Variants in FHOD1 observed in about 807,000 individuals in gnomAD.
FHOD1 encodes the protein FH1/FH2 domain-containing protein 1.
A neutral mutation model predicts 111.6 loss-of-function variants in FHOD1; 89 were observed. The ratio of observed to expected loss-of-function variants is 0.80; its 90% CI spans 0.67 to 0.95. The LOEUF (loss-of-function observed/expected upper bound fraction) is 0.95, where lower values mean the gene tolerates loss of function less well. FHOD1 is among the 40% of genes least tolerant of loss of function. The pLI, the probability that FHOD1 is intolerant of heterozygous loss-of-function variation, is 0.00. For synonymous variants in FHOD1, 618 were observed against 639.0 expected, an observed-to-expected ratio of 0.97 and a Z score of 0.50; for missense variants, 1,446 against 1,554.2, an observed-to-expected ratio of 0.93 and a Z score of 1.17.
intron 11 of FHOD1, chr16:67,236,067 G>A (rs1567389582): frequency 1.0e-6 from 1 of 976,124 alleles, no homozygotes; most frequent in Non-Finnish European, 1.2e-6. Flanking sequence ...GCTCTCAGGG[G>A]CCCTGGGTAG....
At chr16:67,239,247 A>G in intron 2 of FHOD1, 101 bp downstream of exon 2, 1 of 957,020 alleles carries the variant, frequency 1.0e-6, no homozygotes, top group Non-Finnish European at 1.7e-6. Flanking sequence ...GAGGTGACCC[A>G]TGGCTCAGGC....
chr16:67,247,454 C>G lies in FHOD1; in HGVS notation c.-44G>C, dbSNP rs777196015. The G allele has an allele frequency of 2.6e-5, 41 of 1,593,114 alleles. No individual in the cohort carries two copies. Among genetic ancestry groups the G allele is most frequent in the Non-Finnish European group, 3.4e-5 (40 of 1,167,836 alleles). ...CGCAGCGCGCCTCCGAGTCCCGGCC[C>G]CAGTGCAGCTTCTACTCAAAGCACA... On this transcript the variant is annotated 5_prime_UTR_variant, in exon 1 of 22. Coordinates refer to ENST00000258201, the MANE Select transcript of FHOD1 (RefSeq NM_013241.3).
intron 1 of FHOD1, among the ~76,000 whole-genome samples, chr16:67,240,126 A>G (rs2034625090): frequency 6.6e-6 from 1 of 152,184 alleles, no homozygotes; most frequent in East Asian, 1.9e-4. Context: ...TCTGATCCAT[A>G]GACTTCCCAG....
At chr16:67,236,508 G>C (rs779442280) in intron 11 of FHOD1, 49 bp downstream of exon 11, 1 of 1,592,988 alleles carries the variant, frequency 6.3e-7, no homozygotes, top group Non-Finnish European at 8.6e-7. Context: ...GCAAAGCGGA[G>C]GGACAATGGG....
Position 67,244,426 on chromosome 16 carries a change from C to T in FHOD1, c.201+2784G>A, listed in dbSNP as rs376988497. On this transcript the variant is annotated intron_variant, in intron 1 of 21. Coordinates refer to ENST00000258201, the MANE Select transcript of FHOD1 (RefSeq NM_013241.3). The stretch of plus-strand genomic sequence containing the variant: ...GGAGGAAGGCACTCCTGAGTTCCCC[C>T]AGGGACACTAGGCCCGGCCCAAGAC... Among the ~76,000 whole-genome samples the T allele has an allele frequency of 1.7e-4, 26 of 152,232 alleles. 1 individual carries two copies. Among genetic ancestry groups the T allele is most frequent in the Admixed American group, 1.3e-3 (20 of 15,298 alleles).
chr16:67,234,738 G>C (rs768139700), intron 11 of FHOD1: 1 of 446,406 alleles, frequency 2.2e-6, no homozygotes, highest in Non-Finnish European at 4.0e-6. Flanking sequence ...TTGCAACCTC[G>C]TTCATGTTCA....
rs996796609 is a variant in FHOD1, at chr16:67,231,129, C to A, written c.2667+59G>T. 6.9e-6 allele frequency: 11 copies of A among 1,590,846 alleles called. No homozygotes were observed. The highest frequency in any genetic ancestry group is 3.4e-5 in the Admixed American group (2 of 58,688). Reference sequence around the variant, plus strand: ...TGGGGAGAAGGGGGAGGAGCCAGGCCCAGGAAGCAGCGCTCCTCATGCCTT... The same window carrying A: ...TGGGGAGAAGGGGGAGGAGCCAGGCACAGGAAGCAGCGCTCCTCATGCCTT... On this transcript the variant is annotated intron_variant, in intron 17 of 21. Transcript: ENST00000258201. The surrounding 1 kb of genome is among the most constrained non-coding windows in gnomAD (Gnocchi z 4.3).
Position 67,229,954 on chromosome 16 carries a change from A to G in FHOD1, c.3251T>C (p.Val1084Ala), listed in dbSNP as rs774001965. 77 of 1,614,050 alleles carry G rather than the reference A, an allele frequency of 4.8e-5. No individual in the cohort carries two copies. The highest frequency in any genetic ancestry group is 6.1e-5 in the Non-Finnish European group (72 of 1,180,028). Residue 1084 changes from valine to alanine, a missense_variant, in exon 21 of 22, where the codon GTG (valine) becomes GCG (alanine). Coordinates refer to ENST00000258201, the MANE Select transcript of FHOD1 (RefSeq NM_013241.3). ...TTCTGGGGATGCAGTGGAGGGCCCC[A>G]CTGTGGGCATGATTGGGGAGCTGCT... ...VQSSSPIMPT[V>A]GPSTASPEEP... is the part of the protein sequence containing the mutation.
intron 1 of FHOD1, among the ~76,000 whole-genome samples, chr16:67,242,574 C>T (rs546468708): frequency 2.0e-4 from 30 of 152,362 alleles, no homozygotes; most frequent in African/African-American, 6.7e-4. Context: ...GGGGCTGGGC[C>T]AGGCCTGAAT....
chr16:67,236,493 G>A, intron 11 of FHOD1, 64 bp downstream of exon 11: 2 of 1,575,398 alleles, frequency 1.3e-6, no homozygotes, highest in Non-Finnish European at 1.7e-6. Context: ...TGCCCATGGA[G>A]GGGCGCAAAG....
In FHOD1 at chr16:67,237,700, T is replaced by C. The variant is rs2142288904; in HGVS notation, c.711A>G (p.Ala237=). 2 of 1,614,172 alleles carry C rather than the reference T, an allele frequency of 1.2e-6. No homozygotes were observed. Among genetic ancestry groups the C allele is most frequent in the Non-Finnish European group, 1.7e-6 (2 of 1,180,036 alleles). The part of the protein sequence containing the change: ...LVFVEYSENN[A]PLFIRAVNSV... ...AGTTCACTGCACGGATGAACAGCGG[T>C]GCGTTGTTTTCGGAGTATTCTACAA... The change falls in exon 7 of 22, where the codon GCA becomes GCG. Residue 237 remains alanine, a synonymous_variant. Transcript: ENST00000258201. This position sits in a 1 kb window ranked among gnomAD's most constrained non-coding sequence, Gnocchi z 5.6.
At chr16:67,239,067 C>A in intron 2 of FHOD1, 100 bp from the exon 3 acceptor site, 1 of 1,165,050 alleles carries the variant, frequency 8.6e-7, no homozygotes, top group East Asian at 2.4e-5. Flanking sequence ...AGCCCCAGCC[C>A]AGCTTGTTCC....
rs202140632 is a variant in FHOD1, at chr16:67,247,453, C to A, written c.-43G>T. On this transcript the variant is annotated 5_prime_UTR_variant, in exon 1 of 22. Coordinates refer to ENST00000258201, the MANE Select transcript of FHOD1 (RefSeq NM_013241.3). ...ACGCAGCGCGCCTCCGAGTCCCGGCCCCAGTGCAGCTTCTACTCAAAGCAC... is the reference window on the plus strand; with the variant it reads ...ACGCAGCGCGCCTCCGAGTCCCGGCACCAGTGCAGCTTCTACTCAAAGCAC... The A allele has an allele frequency of 6.3e-4, 1,007 of 1,593,878 alleles. 5 individuals carry two copies. In the African/African-American group the frequency reaches 0.012, roughly 19 times the overall value.
At chr16:67,246,911 A>C in intron 1 of FHOD1, 1 of 411,654 alleles carries the variant, frequency 2.4e-6, no homozygotes, top group Non-Finnish European at 4.3e-6. Context: ...CACTCTGACC[A>C]GGGAAGCCAC....
Position 67,237,956 on chromosome 16 carries a change from C to T in FHOD1, c.642+78G>A. 2 of 1,501,070 alleles carry T rather than the reference C, an allele frequency of 1.3e-6. No homozygotes were observed. The highest frequency in any genetic ancestry group is 1.8e-6 in the Non-Finnish European group (2 of 1,083,114). 93.0% of individuals were successfully genotyped at this position (1,501,070 alleles called of 1,614,324 possible). ...GCCTCAGACTCACTCCCTTCCAGCT[C>T]ACTTTGCAGAACAGGAAACTGAGGC... On this transcript the variant is annotated intron_variant, in intron 6 of 21. Transcript: ENST00000258201. This position sits in a 1 kb window ranked among gnomAD's most constrained non-coding sequence, Gnocchi z 5.6.
rs71659690 is a variant in FHOD1, at chr16:67,229,475, TAC to T, written c.*159_*160del. On this transcript the variant is annotated 3_prime_UTR_variant, in exon 22 of 22. Transcript: ENST00000258201. ...ATGCATATGCATGCACACACACACA[TAC>T]ACACACACTCACATGCATACACACA... 1.7e-3 allele frequency: 1,135 copies of T among 669,452 alleles called. 6 individuals carry two copies. The highest frequency in any genetic ancestry group is 0.016 in the African/African-American group (869 of 55,862). The allele number at this position is 669,452 out of a possible 1,614,324, so 41.5% of individuals were successfully genotyped here.
At chr16:67,239,181 C>T (rs2034598524) in intron 2 of FHOD1, among the ~76,000 whole-genome samples, 167 bp downstream of exon 2, 1 of 152,230 alleles carries the variant, frequency 6.6e-6, no homozygotes, top group South Asian at 2.1e-4. Context: ...CCACCTTGGG[C>T]AGCAGGTAAC....
In FHOD1 at chr16:67,232,243, C is replaced by T. The variant is rs199589418; in HGVS notation, c.2047-49G>A. 5.6e-5 allele frequency: 90 copies of T among 1,599,878 alleles called. 1 individual carries two copies. The highest frequency in any genetic ancestry group is 9.0e-5 in the East Asian group (4 of 44,672). ...TGTAAGACTGAGGAAGGGGGCCTGACGCGGTGGCTCACGCCTGTAATCCCA... is the reference window on the plus strand; with the variant it reads ...TGTAAGACTGAGGAAGGGGGCCTGATGCGGTGGCTCACGCCTGTAATCCCA... On this transcript the variant is annotated intron_variant, in intron 13 of 21. Coordinates refer to ENST00000258201, the MANE Select transcript of FHOD1 (RefSeq NM_013241.3).
In FHOD1 at chr16:67,236,732, G is replaced by A; in HGVS notation, c.1144C>T (p.Pro382Ser). ...GCPARAPEPG[P>S]TGPASPVGPT... ...CCTACCGGTGAGGCGGGGCCTGTGG[G>A]GCTGAAAGCAGGGGCTGTCAGTGGG... The change falls in exon 11 of 22, where the codon CCC becomes TCC. Residue 382 changes from proline (P) to serine (S), a missense_variant and splice_region_variant. Physicochemically the swap from Pro to Ser is moderately conservative, Grantham distance 74. Around this residue, in one of 3 missense-constraint regions of FHOD1, gnomAD observed 1,085 missense variants for 1,108.8 expected, o/e 0.98. Coordinates refer to ENST00000258201, the MANE Select transcript of FHOD1 (RefSeq NM_013241.3). The A allele has an allele frequency of 1.3e-6, 2 of 1,543,240 alleles. No homozygotes were observed. Among genetic ancestry groups the A allele is most frequent in the Non-Finnish European group, 1.7e-6 (2 of 1,143,862 alleles).
Sources: gnomAD v4.1 joint callset for allele counts (sites outside exome capture counted in the v4.1 genomes callset) on GRCh38, gnomAD v4.1.1 for gene constraint, gnomAD v4.1.1 regional missense constraint, Gnocchi (gnomAD v3.1) non-coding constraint, MANE v1.5 for transcripts, NCBI Gene and HGNC (gene_info 2026-07-23, HGNC 2026-07-21) for gene names.